The following TXNDC16 variants were observed in gnomAD, a reference collection of about 807,000 sequenced individuals.
TXNDC16 encodes the protein thioredoxin domain-containing protein 16.
Under a neutral mutation model 85.6 loss-of-function variants are expected in TXNDC16, and 74 were observed. The ratio of observed to expected loss-of-function variants is 0.86; its 90% CI spans 0.72 to 1.05. TXNDC16 has a LOEUF of 1.05. Ranked by LOEUF, TXNDC16 falls within the 50% of genes least tolerant of loss-of-function variation. TXNDC16 has a pLI of 0.00. For missense variants in TXNDC16, 959 were observed against 947.0 expected (o/e 1.01, Z -0.17); for synonymous variants, 335 against 326.5 (o/e 1.03, Z -0.28).
intron 4 of TXNDC16, 34 bp from the exon 5 acceptor site, chr14:52,537,706 T>C (rs2037735205): frequency 8.0e-7 from 1 of 1,252,784 alleles, no homozygotes; most frequent in Non-Finnish European, 1.2e-6. Flanking sequence ...TTAGCATATA[T>C]ATCAAAAGGT....
At chr14:52,494,384 A>G (rs1227657851) in intron 9 of TXNDC16, among the ~76,000 whole-genome samples, 2 of 152,174 alleles carry the variant, frequency 1.3e-5, no homozygotes, top group Non-Finnish European at 1.5e-5. Context: ...TGAGAGGGCC[A>G]TGTGGCAAGG....
At chr14:52,489,356 TAC>T (rs2036349045) in intron 11 of TXNDC16, among the ~76,000 whole-genome samples, 2 of 152,202 alleles carry the variant, frequency 1.3e-5, no homozygotes, top group South Asian at 4.1e-4. Context: ...GCCCAACTGT[TAC>T]ACTTTTAAAA....
Position 52,482,967 on chromosome 14 carries a change from TA to T in TXNDC16, c.1109-3del, listed in dbSNP as rs1468598184. The T allele has an allele frequency of 1.3e-5, 20 of 1,596,212 alleles. No homozygotes were observed. The highest frequency in any genetic ancestry group is 1.4e-5 in the Non-Finnish European group (17 of 1,175,516). On this transcript the variant is annotated splice_region_variant and splice_polypyrimidine_tract_variant and intron_variant, in intron 12 of 20. Transcript: ENST00000281741. ...CTGCCACTTCATCATCCTGAACATCTAAAATGTTGGAAAAGAAATTAATTTA... is the reference window on the plus strand; with the variant it reads ...CTGCCACTTCATCATCCTGAACATCTAAATGTTGGAAAAGAAATTAATTTA...
chr14:52,473,378 G>A (rs2035951936), intron 14 of TXNDC16, among the ~76,000 whole-genome samples: 1 of 152,078 alleles, frequency 6.6e-6, no homozygotes, highest in South Asian at 2.1e-4. Flanking sequence ...TACATATTTT[G>A]CCACCCAAGT....
At chr14:52,522,820 C>A (rs2037239413) in intron 6 of TXNDC16, among the ~76,000 whole-genome samples, 1 of 152,140 alleles carries the variant, frequency 6.6e-6, no homozygotes, top group Admixed American at 6.5e-5. Context: ...GGGCTTATAA[C>A]TAAAAACCCT....
At chr14:52,485,440 A>C (rs1267932309) in intron 12 of TXNDC16, among the ~76,000 whole-genome samples, 1 of 152,192 alleles carries the variant, frequency 6.6e-6, no homozygotes, top group Non-Finnish European at 1.5e-5. Context: ...ATTGAAAAAA[A>C]ATTTATAAAT....
At chr14:52,459,483 C>G (rs2035606896) in intron 16 of TXNDC16, among the ~76,000 whole-genome samples, 1 of 152,160 alleles carries the variant, frequency 6.6e-6, no homozygotes, top group South Asian at 2.1e-4. Context: ...CAGCCAAATT[C>G]TACCAGACAT....
intron 8 of TXNDC16, 78 bp downstream of exon 8, chr14:52,514,802 G>A: frequency 9.6e-7 from 1 of 1,043,260 alleles, no homozygotes; most frequent in South Asian, 1.5e-5. Flanking sequence ...GAGCATAATG[G>A]AAATGCTAAG....
At position 52,466,392 on chromosome 14, in the gene TXNDC16, C is replaced by CAA. The variant is rs35493549; in HGVS notation, c.1618+3643_1618+3644dup. On this transcript the variant is annotated intron_variant, in intron 16 of 20. Transcript: ENST00000281741. ...CGGATGACAGAACAAGACTCTGTCT[C>CAA]AAAAAAAAAAAAAAAAAAAAAAAAG... Among the ~76,000 whole-genome samples, 180 of 56,062 alleles carry CAA rather than the reference C, an allele frequency of 3.2e-3. 1 individual carries two copies. Among genetic ancestry groups the CAA allele is most frequent in the Non-Finnish European group, 3.6e-3 (113 of 31,326 alleles). The allele number at this position is 56,062 out of a possible 152,430, so 36.8% of individuals were successfully genotyped here. A position where few individuals can be genotyped will look rare whatever the true frequency, so the allele number is the denominator to read the frequency against.
chr14:52,533,117 C>T (rs866635982), intron 6 of TXNDC16, among the ~76,000 whole-genome samples: 27 of 152,040 alleles, frequency 1.8e-4, no homozygotes, highest in African/African-American at 6.3e-4. Flanking sequence ...TATATGTTGA[C>T]AACACCTGGA....
chr14:52,440,777 C>T, intron 18 of TXNDC16, 53 bp from the exon 19 acceptor site: 1 of 1,525,546 alleles, frequency 6.6e-7, no homozygotes, highest in South Asian at 1.2e-5. Flanking sequence ...GATGATAATG[C>T]ATACCACAGA....
intron 6 of TXNDC16, 150 bp downstream of exon 6, chr14:52,536,569 G>A: frequency 1.4e-6 from 1 of 740,376 alleles, no homozygotes; most frequent in Non-Finnish European, 2.1e-6. Flanking sequence ...GATCCTCGAT[G>A]TGGGAAGATA....
At chr14:52,536,605 G>A in intron 6 of TXNDC16, 114 bp downstream of exon 6, 2 of 976,632 alleles carry the variant, frequency 2.0e-6, no homozygotes, top group Non-Finnish European at 2.9e-6. Flanking sequence ...TTAAATTGTT[G>A]CCTACAAATA....
At chr14:52,551,159 G>C (rs536302745) in intron 1 of TXNDC16, among the ~76,000 whole-genome samples, 1 of 152,166 alleles carries the variant, frequency 6.6e-6, no homozygotes, top group African/African-American at 2.4e-5. Context: ...CTAGCATCTG[G>C]TACCTGGACA....
At chr14:52,540,923 C>T (rs71422088) in intron 4 of TXNDC16, among the ~76,000 whole-genome samples, 21,963 of 152,122 alleles carry the variant, frequency 0.14, 1,634 homozygotes, top group Non-Finnish European at 0.15. Flanking sequence ...AGATAGAGCT[C>T]AGCATTCTCA....
intron 6 of TXNDC16, among the ~76,000 whole-genome samples, chr14:52,530,252 A>AT (rs1193127282): frequency 8.0e-5 from 3 of 37,572 alleles, no homozygotes; most frequent in Non-Finnish European, 1.2e-4. Context: ...TATATAATAT[A>AT]TATTATATAA....
At chr14:52,527,683 T>C (rs2037369190) in intron 6 of TXNDC16, among the ~76,000 whole-genome samples, 1 of 152,134 alleles carries the variant, frequency 6.6e-6, no homozygotes, top group South Asian at 2.1e-4. Flanking sequence ...GAGAACTAGG[T>C]ATGAGGATAG....
chr14:52,518,196 T>G lies in TXNDC16; in HGVS notation c.514+976A>C, dbSNP rs140530759. On this transcript the variant is annotated intron_variant, in intron 7 of 20. Coordinates refer to ENST00000281741, the MANE Select transcript of TXNDC16 (RefSeq NM_020784.3). ...GTATCTAATAGGTTCAGTCTTCTCT[T>G]TTCCATCTAGACTCACTCAGTGATC... Among the ~76,000 whole-genome samples the G allele has an allele frequency of 2.0e-5, 3 of 152,332 alleles. No individual in the cohort carries two copies. The East Asian group carries it at 5.8e-4, about 29-fold the overall frequency.
At chr14:52,549,386 C>A (rs147598525) in intron 1 of TXNDC16, among the ~76,000 whole-genome samples, 1 of 152,254 alleles carries the variant, frequency 6.6e-6, no homozygotes, top group African/African-American at 2.4e-5. Context: ...AGGGCTAAAG[C>A]GTGCACATAA....
Sources: gnomAD v4.1 joint callset for allele counts (sites outside exome capture counted in the v4.1 genomes callset) on GRCh38, gnomAD v4.1.1 for gene constraint, MANE v1.5 for transcripts, NCBI Gene and HGNC (gene_info 2026-07-23, HGNC 2026-07-21) for gene names.